TBC1D23: variants seen among roughly 807,000 people sequenced by gnomAD.
The protein encoded by TBC1D23 is TBC1 domain family member 23.
A neutral mutation model predicts 91.4 loss-of-function variants in TBC1D23; 55 were observed. The ratio of observed to expected loss-of-function variants is 0.60; its 90% CI spans 0.48 to 0.75. The LOEUF (loss-of-function observed/expected upper bound fraction) is 0.75. TBC1D23 is among the 30% of genes least tolerant of loss of function. The probability of loss-of-function intolerance (pLI) is 0.00; values close to 1 mark genes in which losing one functional copy is unlikely to be tolerated. For missense variants in TBC1D23, 725 were observed against 836.1 expected, an observed-to-expected ratio of 0.87 and a Z score of 1.64; for synonymous variants, 289 against 281.0, an observed-to-expected ratio of 1.03 and a Z score of -0.28.
At position 100,309,860 on chromosome 3, in the gene TBC1D23, C is replaced by CA. The variant is rs201809323; in HGVS notation, c.1414-543_1414-542insA. Among the ~76,000 whole-genome samples the CA allele has an allele frequency of 6.8e-3, 1,029 of 152,214 alleles. 15 individuals carry two copies. Among genetic ancestry groups the CA allele is most frequent in the African/African-American group, 0.024 (989 of 41,526 alleles). ...TCCTGACCTCATGATCCACCTGCCT[C>CA]GGCCTCCCAAAGTACTGGGATTACA... On this transcript the variant is annotated intron_variant, in intron 13 of 18. Transcript: ENST00000394144.
rs185455793 is a variant in TBC1D23 at position 100,314,318 on chromosome 3, G to C, written c.1599-1781G>C. Among the ~76,000 whole-genome samples, 708 of 151,926 alleles carry C rather than the reference G, an allele frequency of 4.7e-3. 2 individuals are homozygous for C. The highest frequency in any genetic ancestry group is 6.3e-3 in the Non-Finnish European group (430 of 67,938). On this transcript the variant is annotated intron_variant, in intron 15 of 18. Coordinates refer to ENST00000394144, the MANE Select transcript of TBC1D23 (RefSeq NM_001199198.3). ...TCACCATGTTAGCCAGGATAGTCTC[G>C]ATCTCCTGACCTCGTGATCTGCCCA...
At chr3:100,287,824 G>A (rs970210615) in intron 4 of TBC1D23, among the ~76,000 whole-genome samples, 1 of 150,554 alleles carries the variant, frequency 6.6e-6, no homozygotes, top group Non-Finnish European at 1.5e-5. Flanking sequence ...TTACTATGTT[G>A]TCTAGGCTGG....
chr3:100,279,844 A>T, intron 2 of TBC1D23, 84 bp downstream of exon 2: 1 of 779,072 alleles, frequency 1.3e-6, no homozygotes, highest in Non-Finnish European at 2.1e-6. Context: ...TCTTAGTTGC[A>T]GAAAACTTTA....
intron 18 of TBC1D23, among the ~76,000 whole-genome samples, chr3:100,322,931 C>T (rs548297902): frequency 7.3e-4 from 111 of 151,824 alleles, no homozygotes; most frequent in Non-Finnish European, 1.3e-3. Context: ...TAGGTTTTAC[C>T]GAAGATGCTT....
intron 8 of TBC1D23, among the ~76,000 whole-genome samples, chr3:100,296,860 C>CAAAAAAA (rs71625559): frequency 2.3e-5 from 2 of 86,660 alleles, no homozygotes; most frequent in East Asian, 5.6e-4. Flanking sequence ...GACTCTGTCT[C>CAAAAAAA]AAAAAAAAAA....
chr3:100,269,159 A>G (rs1489703332), intron 1 of TBC1D23, among the ~76,000 whole-genome samples: 1 of 152,172 alleles, frequency 6.6e-6, no homozygotes, highest in Non-Finnish European at 1.5e-5. Flanking sequence ...CCTATTGCAT[A>G]CAATGATGAA....
At chr3:100,278,460 A>G (rs1005243315) in intron 1 of TBC1D23, among the ~76,000 whole-genome samples, 4 of 149,990 alleles carry the variant, frequency 2.7e-5, no homozygotes, top group Non-Finnish European at 4.4e-5. Context: ...ATCTTGGCTC[A>G]CTGCAACCTC....
chr3:100,304,822 T>C (rs917877910), intron 11 of TBC1D23, 24 bp from the exon 12 acceptor site: 4 of 1,265,394 alleles, frequency 3.2e-6, no homozygotes, highest in Non-Finnish European at 3.5e-6. Context: ...TTTGGAAGAA[T>C]TTAAATTTTC....
chr3:100,304,737 G>A (rs189198759), intron 11 of TBC1D23, 109 bp from the exon 12 acceptor site: 6 of 655,114 alleles, frequency 9.2e-6, no homozygotes, highest in Admixed American at 2.9e-5. Flanking sequence ...GAGAAAGCCC[G>A]GTAATTTAAT....
At chr3:100,316,615 C>T (rs983442051) in intron 16 of TBC1D23, among the ~76,000 whole-genome samples, 53 of 151,774 alleles carry the variant, frequency 3.5e-4, no homozygotes, top group African/African-American at 1.2e-3. Flanking sequence ...GATTGAAATC[C>T]CTTTGATCAG....
chr3:100,321,746 A>G (rs1332805237), intron 18 of TBC1D23, among the ~76,000 whole-genome samples: 1 of 152,058 alleles, frequency 6.6e-6, no homozygotes, highest in Non-Finnish European at 1.5e-5. Context: ...AGCTTCTTTC[A>G]TCTTGTACTG....
At chr3:100,281,340 A>C (rs981685221) in intron 2 of TBC1D23, among the ~76,000 whole-genome samples, 2 of 152,198 alleles carry the variant, frequency 1.3e-5, no homozygotes, top group African/African-American at 4.8e-5. Context: ...ATTTTAAAAA[A>C]AACCTTACAA....
Position 100,299,498 on chromosome 3 carries a change from C to T in TBC1D23, c.1092+167C>T, listed in dbSNP as rs185239980. On this transcript the variant is annotated intron_variant, in intron 10 of 18. Coordinates refer to ENST00000394144, the MANE Select transcript of TBC1D23 (RefSeq NM_001199198.3). ...GTCAGGTTTCCTTTTCACCCAAATA[C>T]CCTTTTGTGTTTTTGTTGTTGTTTG... 2.1e-3 allele frequency among the ~76,000 whole-genome samples: 322 copies of T among 152,104 alleles called. 2 individuals are homozygous for T. The highest frequency in any genetic ancestry group is 7.5e-3 in the African/African-American group (313 of 41,518).
intron 10 of TBC1D23, among the ~76,000 whole-genome samples, chr3:100,299,696 A>G (rs1459642697): frequency 2.0e-5 from 3 of 152,180 alleles, no homozygotes; most frequent in Non-Finnish European, 2.9e-5. Context: ...TTTTTAGTAG[A>G]GACGGGCTTT....
At chr3:100,292,071 T>G (rs760581462) in intron 5 of TBC1D23, among the ~76,000 whole-genome samples, 4 of 152,178 alleles carry the variant, frequency 2.6e-5, no homozygotes, top group Non-Finnish European at 5.9e-5. Context: ...GGCCCTTATT[T>G]CAATCTGTGA....
At chr3:100,314,416 T>A (rs1576185933) in intron 15 of TBC1D23, among the ~76,000 whole-genome samples, 1 of 151,994 alleles carries the variant, frequency 6.6e-6, no homozygotes, top group Non-Finnish European at 1.5e-5. Flanking sequence ...AAAAAAAATT[T>A]TTATTGATAG....
At chr3:100,283,911 G>A (rs1232658941) in intron 4 of TBC1D23, 100 bp downstream of exon 4, 1 of 647,566 alleles carries the variant, frequency 1.5e-6, no homozygotes, top group Non-Finnish European at 2.7e-6. Flanking sequence ...AAAGTAAAAG[G>A]TTCAAATAAT....
At position 100,316,109 on chromosome 3, in the gene TBC1D23, A is replaced by G; in HGVS notation, c.1609A>G (p.Ser537Gly). 1 of 1,613,640 alleles carries G rather than the reference A, an allele frequency of 6.2e-7. No homozygotes were observed. Among genetic ancestry groups the G allele is most frequent in the Non-Finnish European group, 8.5e-7 (1 of 1,179,532 alleles). ...DRSCTERHVS[S>G]SDRVGKPYRG... is the part of the protein sequence containing the mutation. ...ATTCTTTGAATATAGGCATGTGAGC[A>G]GCAGTGACAGAGTGGGCAAGCCTTA... The change falls in exon 16 of 19, where the codon AGC becomes GGC. Residue 537 changes from serine to glycine, a missense_variant. Coordinates refer to ENST00000394144, the MANE Select transcript of TBC1D23 (RefSeq NM_001199198.3).
At chr3:100,300,898 C>T (rs543816952) in intron 10 of TBC1D23, among the ~76,000 whole-genome samples, 1 of 152,146 alleles carries the variant, frequency 6.6e-6, no homozygotes, top group Non-Finnish European at 1.5e-5. Context: ...CTTGATTTTT[C>T]ACGTAACAGT....
Sources: allele counts gnomAD v4.1 joint callset (sites outside exome capture counted in the v4.1 genomes callset), GRCh38; gene constraint gnomAD v4.1.1; transcripts MANE v1.5; gene names NCBI Gene and HGNC (gene_info 2026-07-23, HGNC 2026-07-21).